The following CAMTA1 variants were observed in gnomAD, a reference collection of about 807,000 sequenced individuals.
CAMTA1 encodes the protein calmodulin-binding transcription activator 1.
CAMTA1 carries 27 observed loss-of-function variants against 170.9 expected under a neutral mutation model. The ratio of observed to expected loss-of-function variants is 0.16; its 90% confidence interval spans 0.12 to 0.22. CAMTA1 has a LOEUF of 0.22. CAMTA1 is among the 10% of genes least tolerant of loss of function. CAMTA1 has a pLI of 1.00. For synonymous variants in CAMTA1, 833 were observed against 891.5 expected, an observed-to-expected ratio of 0.93 and a Z score of 1.17; for missense variants, 1,619 against 2,217.2, an observed-to-expected ratio of 0.73 and a Z score of 5.42.
At chr1:7,201,507 C>T (rs1656690402) in intron 4 of CAMTA1, among the ~76,000 whole-genome samples, 1 of 152,130 alleles carries the variant, frequency 6.6e-6, no homozygotes, top group Admixed American at 6.5e-5. Context: ...TTCTTACCAG[C>T]AGGGTATGAG....
At chr1:7,671,665 G>A (rs1258610709) in intron 10 of CAMTA1, among the ~76,000 whole-genome samples, 1 of 152,212 alleles carries the variant, frequency 6.6e-6, no homozygotes, top group Non-Finnish European at 1.5e-5. Flanking sequence ...CCCAGAAAAG[G>A]TGCATATAAT....
chr1:7,348,852 G>A (rs572080528), intron 5 of CAMTA1, among the ~76,000 whole-genome samples: 3 of 152,324 alleles, frequency 2.0e-5, no homozygotes, highest in South Asian at 2.1e-4. Context: ...AGAAAAGGAC[G>A]TCTGTGATTG....
chr1:7,406,106 C>T (rs1002833244), intron 5 of CAMTA1, among the ~76,000 whole-genome samples: 1 of 152,254 alleles, frequency 6.6e-6, no homozygotes, highest in Admixed American at 6.5e-5. Context: ...GCATGGGCTC[C>T]TGGTGCCTGT....
At chr1:7,416,665 T>A (rs895159475) in intron 5 of CAMTA1, among the ~76,000 whole-genome samples, 2 of 152,072 alleles carry the variant, frequency 1.3e-5, no homozygotes, top group African/African-American at 4.8e-5. Flanking sequence ...ATTCATCTAA[T>A]TTTTTTTCAA....
At chr1:7,581,371 G>A (rs1206186529) in intron 6 of CAMTA1, among the ~76,000 whole-genome samples, 1 of 152,240 alleles carries the variant, frequency 6.6e-6, no homozygotes, top group African/African-American at 2.4e-5. Flanking sequence ...TCATCTATTT[G>A]TTTTGCAACT....
At chr1:7,533,679 G>A (rs1575845023) in intron 6 of CAMTA1, among the ~76,000 whole-genome samples, 1 of 152,160 alleles carries the variant, frequency 6.6e-6, no homozygotes, top group Non-Finnish European at 1.5e-5. Flanking sequence ...TTGGGAGGTC[G>A]AAGTGGGCAG....
intron 5 of CAMTA1, among the ~76,000 whole-genome samples, chr1:7,397,616 T>A (rs979796366): frequency 3.9e-5 from 6 of 152,124 alleles, no homozygotes; most frequent in Non-Finnish European, 7.4e-5. Flanking sequence ...TTTGAGATCT[T>A]TCTACTTTTT....
rs916296430 is a variant in CAMTA1, at chr1:7,041,239, G to C, written c.235-50065G>C. On this transcript the variant is annotated intron_variant, in intron 3 of 22. Transcript: ENST00000303635. This position sits in a 1 kb window ranked among gnomAD's most constrained non-coding sequence, Gnocchi z 5.1. ...CCGGAGCTGGAGCTTCTACCGAAGG[G>C]TTGCCCTCTGTCCCCTTCTCGGCTT... 2.6e-5 allele frequency among the ~76,000 whole-genome samples: 4 copies of C among 152,236 alleles called. No individual in the cohort carries two copies. Among genetic ancestry groups the C allele is most frequent in the African/African-American group, 4.8e-5 (2 of 41,466 alleles).
At chr1:7,359,618 G>A (rs2085388271) in intron 5 of CAMTA1, among the ~76,000 whole-genome samples, 1 of 152,188 alleles carries the variant, frequency 6.6e-6, no homozygotes, top group Non-Finnish European at 1.5e-5. Flanking sequence ...TTTGTAGCAG[G>A]AAATGTTCTG....
At chr1:7,730,932 A>T (rs79356145) in intron 11 of CAMTA1, among the ~76,000 whole-genome samples, 2 of 90,052 alleles carry the variant, frequency 2.2e-5, no homozygotes, top group African/African-American at 7.6e-5. Flanking sequence ...CTCTCTCTAT[A>T]TATATATATA....
At chr1:7,502,758 G>T (rs930319082) in intron 6 of CAMTA1, among the ~76,000 whole-genome samples, 3 of 152,196 alleles carry the variant, frequency 2.0e-5, no homozygotes, top group East Asian at 1.9e-4. Context: ...TGAAGTCAGC[G>T]CAAGAATAGA....
intron 11 of CAMTA1, among the ~76,000 whole-genome samples, chr1:7,706,243 C>T (rs2096524111): frequency 3.3e-5 from 5 of 152,208 alleles, no homozygotes; most frequent in Admixed American, 3.3e-4. Flanking sequence ...ACTCAGTAAA[C>T]GTGAGAGGTG....
intron 1 of CAMTA1, among the ~76,000 whole-genome samples, chr1:6,786,747 A>G (rs1465965714): frequency 6.6e-6 from 1 of 152,072 alleles, no homozygotes; most frequent in East Asian, 1.9e-4. Context: ...TTGTGTGTCT[A>G]CACTGACTTG....
At chr1:7,099,391 G>T (rs1558094172) in intron 4 of CAMTA1, among the ~76,000 whole-genome samples, 1 of 152,094 alleles carries the variant, frequency 6.6e-6, no homozygotes, top group Non-Finnish European at 1.5e-5. Flanking sequence ...CGTGTACATA[G>T]TTTAGTATGT....
At chr1:7,703,869 GGC>G (rs2096470256) in intron 11 of CAMTA1, among the ~76,000 whole-genome samples, 1 of 152,120 alleles carries the variant, frequency 6.6e-6, no homozygotes, top group African/African-American at 2.4e-5. Context: ...TTGTGGCCGG[GGC>G]GAGAGACCCT....
chr1:7,421,508 C>T (rs932257831), intron 5 of CAMTA1, among the ~76,000 whole-genome samples: 3 of 152,144 alleles, frequency 2.0e-5, no homozygotes, highest in African/African-American at 7.2e-5. Context: ...CTGAACGTGA[C>T]GAGTGCTGGA....
At chr1:7,086,782 C>T (rs535934641) in intron 3 of CAMTA1, among the ~76,000 whole-genome samples, 57 of 152,294 alleles carry the variant, frequency 3.7e-4, no homozygotes, top group African/African-American at 1.2e-3. Context: ...TGCCGTTGTA[C>T]GTCTGTGACA....
chr1:7,279,709 C>T (rs1255597282), intron 5 of CAMTA1, among the ~76,000 whole-genome samples: 1 of 152,130 alleles, frequency 6.6e-6, no homozygotes, highest in Non-Finnish European at 1.5e-5. Context: ...TTCCAAAGCC[C>T]ACAGTGTGGG....
At chr1:7,590,846 A>G (rs1467962917) in intron 6 of CAMTA1, among the ~76,000 whole-genome samples, 1 of 152,244 alleles carries the variant, frequency 6.6e-6, no homozygotes, top group Non-Finnish European at 1.5e-5. Context: ...GGGCTTTTCC[A>G]GGAGGCCGTC....
Sources: allele counts gnomAD v4.1 joint callset (sites outside exome capture counted in the v4.1 genomes callset), GRCh38; gene constraint gnomAD v4.1.1; non-coding constraint Gnocchi (gnomAD v3.1); transcripts MANE v1.5; gene names NCBI Gene and HGNC (gene_info 2026-07-23, HGNC 2026-07-21).